UTP11: variants seen among roughly 807,000 people sequenced by gnomAD.
UTP11 encodes UTP11 small subunit processome component.
Under a neutral mutation model 39.0 loss-of-function variants are expected in UTP11, and 29 were observed. That is an observed-to-expected ratio of 0.74 (90% CI 0.55 to 1.01). The LOEUF (loss-of-function observed/expected upper bound fraction) is 1.01, where lower values mean the gene tolerates loss of function less well. Ranked by LOEUF, UTP11 falls within the 50% of genes least tolerant of loss-of-function variation. UTP11 has a pLI of 0.00. For synonymous variants in UTP11, 111 were observed against 105.0 expected (o/e 1.06, Z -0.35); for missense variants, 281 against 306.0 (o/e 0.92, Z 0.61).
chr1:38,018,940 G>A, intron 4 of UTP11, 119 bp from the exon 5 acceptor site: 1 of 883,180 alleles, frequency 1.1e-6, no homozygotes, highest in Non-Finnish European at 1.7e-6. Flanking sequence ...AAAGAATAAA[G>A]CAAGTTCTTT....
chr1:38,022,037 C>T (rs1646740584), intron 6 of UTP11, among the ~76,000 whole-genome samples: 1 of 152,144 alleles, frequency 6.6e-6, no homozygotes, highest in Admixed American at 6.5e-5. Flanking sequence ...TGAAAAAATT[C>T]TTCTGCTTTC....
intron 1 of UTP11, 120 bp downstream of exon 1, chr1:38,012,985 G>T: frequency 8.3e-7 from 1 of 1,198,060 alleles, no homozygotes; most frequent in South Asian, 1.3e-5. Context: ...GCACGTAAAT[G>T]TATGTTAATG....
In UTP11 at chr1:38,012,985, G is replaced by A. The variant is rs193033911; in HGVS notation, c.63+120G>A. 55 of 1,198,062 alleles carry A rather than the reference G, an allele frequency of 4.6e-5. 1 individual carries two copies. The East Asian group carries it at 9.6e-4, about 21-fold the overall frequency. The allele number at this position is 1,198,062 out of a possible 1,614,324, so 74.2% of individuals were successfully genotyped here. ...GTATAGTATATAAATGCACGTAAAT[G>A]TATGTTAATGACGCTGGCGTGGCTG... On this transcript the variant is annotated intron_variant, in intron 1 of 7. Transcript: ENST00000373014.
rs1646707167 is a variant in UTP11, at chr1:38,016,375, A to G, written c.80A>G (p.His27Arg). ...GTCTTCTAGCCTGGCTTTCGAAAACATCTGGGCCTGCTGGAGAAAAAGAAA... is the reference window on the plus strand; with the variant it reads ...GTCTTCTAGCCTGGCTTTCGAAAACGTCTGGGCCTGCTGGAGAAAAAGAAA... ...RERSQPGFRKHLGLLEKKKDY... is the reference protein window; with the variant it reads ...RERSQPGFRKRLGLLEKKKDY... The change falls in exon 2 of 8, where the codon CAT becomes CGT. Residue 27 changes from histidine to arginine, a missense_variant. Physicochemically the swap from His to Arg is conservative, Grantham distance 29. Coordinates refer to ENST00000373014, the MANE Select transcript of UTP11 (RefSeq NM_016037.4). 1 of 1,614,246 alleles carries G rather than the reference A, an allele frequency of 6.2e-7. No individual in the cohort carries two copies. The highest frequency in any genetic ancestry group is 2.2e-5 in the East Asian group (1 of 44,890).
intron 4 of UTP11, among the ~76,000 whole-genome samples, chr1:38,018,782 C>A (rs1237894390): frequency 6.6e-6 from 1 of 152,158 alleles, no homozygotes; most frequent in Non-Finnish European, 1.5e-5. Context: ...CTGGCACTGC[C>A]ATAAATTACT....
At chr1:38,015,910 G>A (rs182986912) in intron 1 of UTP11, among the ~76,000 whole-genome samples, 1 of 152,350 alleles carries the variant, frequency 6.6e-6, no homozygotes, top group Non-Finnish European at 1.5e-5. Flanking sequence ...TAAGTGACAT[G>A]CCCAAGGTCA....
chr1:38,022,673 T>C, intron 6 of UTP11, 26 bp from the exon 7 acceptor site: 1 of 1,526,874 alleles, frequency 6.5e-7, no homozygotes, highest in Non-Finnish European at 9.1e-7. Context: ...CATTGTTCAC[T>C]GAGAATGTGT....
chr1:38,022,758 G>A lies in UTP11; in HGVS notation c.627G>A (p.Glu209=). ...YNCLTQRIER[E]KKLFVIAQKI... ...GCCTGACACAGCGGATTGAACGAGAGAAGAAATTGTTCGTTATTGCTCAGA... is the reference window on the plus strand; with the variant it reads ...GCCTGACACAGCGGATTGAACGAGAAAAGAAATTGTTCGTTATTGCTCAGA... Residue 209 remains glutamate, a synonymous_variant, in exon 7 of 8, where the codon GAG becomes GAA. Coordinates refer to ENST00000373014, the MANE Select transcript of UTP11 (RefSeq NM_016037.4). 2.5e-6 allele frequency: 4 copies of A among 1,613,920 alleles called. No individual in the cohort carries two copies. The highest frequency in any genetic ancestry group is 3.4e-6 in the Non-Finnish European group (4 of 1,179,938).
In UTP11 at chr1:38,019,108, A is replaced by G; in HGVS notation, c.392A>G (p.Lys131Arg). The change falls in exon 5 of 8, where the codon AAG (lysine) becomes AGG (arginine). Residue 131 changes from lysine (K) to arginine (R), a missense_variant. Lys to Arg is a conservative substitution (Grantham distance 26, BLOSUM62 2). Coordinates refer to ENST00000373014, the MANE Select transcript of UTP11 (RefSeq NM_016037.4). ...CTCCATCTGCTGGATTTCCAGGGGA[A>G]GCAACAGAACAAGCATGTGTTCTTT... ...SELHLLDFQG[K>R]QQNKHVFFFD... The G allele has an allele frequency of 6.2e-7, 1 of 1,614,150 alleles. No individual in the cohort carries two copies. The highest frequency in any genetic ancestry group is 2.2e-5 in the East Asian group (1 of 44,886).
chr1:38,022,028 G>GA (rs1053139688), intron 6 of UTP11, among the ~76,000 whole-genome samples: 4 of 152,154 alleles, frequency 2.6e-5, no homozygotes, highest in Non-Finnish European at 5.9e-5. Flanking sequence ...AGCTTCTGCT[G>GA]AAAAAATTCT....
intron 1 of UTP11, among the ~76,000 whole-genome samples, chr1:38,013,163 C>T (rs1345828791): frequency 6.6e-6 from 1 of 152,180 alleles, no homozygotes; most frequent in Non-Finnish European, 1.5e-5. Flanking sequence ...CTGGTCTCTT[C>T]TGAGGAGTTG....
At chr1:38,018,104 T>C (rs551347130) in intron 3 of UTP11, among the ~76,000 whole-genome samples, 1 of 152,148 alleles carries the variant, frequency 6.6e-6, no homozygotes, top group South Asian at 2.1e-4. Context: ...GGACTCACTC[T>C]CTGTTGCCCA....
rs1228176857 is a variant in UTP11, at chr1:38,019,323, C to T, written c.507C>T (p.Pro169=). The change falls in exon 6 of 8, where the codon CCC becomes CCT. Residue 169 remains proline (P), a synonymous_variant. Transcript: ENST00000373014. ...PELVDRVFNR[P]RIETLQKEKV... Reference sequence around the variant, plus strand: ...TAGTCGACAGAGTCTTTAATAGGCCCAGGATAGAGACCTTGCAGAAAGAAA... The same window carrying T: ...TAGTCGACAGAGTCTTTAATAGGCCTAGGATAGAGACCTTGCAGAAAGAAA... 1 of 1,613,980 alleles carries T rather than the reference C, an allele frequency of 6.2e-7. No individual in the cohort carries two copies. Among genetic ancestry groups the T allele is most frequent in the East Asian group, 2.2e-5 (1 of 44,876 alleles).
chr1:38,012,798 C>T lies in UTP11; in HGVS notation c.-5C>T, dbSNP rs774467892. Reference sequence around the variant, plus strand: ...TCCACTGATCTTTTCCAAGGCTGTACAGACATGGCGGCGGCTTTTCGGAAG... The same window carrying T: ...TCCACTGATCTTTTCCAAGGCTGTATAGACATGGCGGCGGCTTTTCGGAAG... On this transcript the variant is annotated 5_prime_UTR_variant, in exon 1 of 8. Coordinates refer to ENST00000373014, the MANE Select transcript of UTP11 (RefSeq NM_016037.4). 3.1e-6 allele frequency: 5 copies of T among 1,614,100 alleles called. No homozygotes were observed. Among genetic ancestry groups the T allele is most frequent in the Middle Eastern group, 1.6e-4 (1 of 6,084 alleles).
chr1:38,018,967 G>T (rs1300362664), intron 4 of UTP11, 92 bp from the exon 5 acceptor site: 4 of 1,055,370 alleles, frequency 3.8e-6, no homozygotes, highest in Non-Finnish European at 5.5e-6. Flanking sequence ...TGGCAATAAT[G>T]ATGTGAAATG....
rs74664640 is a variant in UTP11, at chr1:38,022,613, G to T, written c.568-86G>T. The T allele has an allele frequency of 1.7e-3, 1,468 of 874,458 alleles. 33 individuals are homozygous for T. The East Asian group carries it at 0.036, about 22-fold the overall frequency. 54.2% of individuals were successfully genotyped at this position (874,458 alleles called of 1,614,324 possible). A position where few individuals can be genotyped will look rare whatever the true frequency, so the allele number is the denominator to read the frequency against. Reference sequence around the variant, plus strand: ...AGAAGGGAGTTGATGAAACTATGCAGTTGGCTTAAATGGATTAAGAAACAG... The same window carrying T: ...AGAAGGGAGTTGATGAAACTATGCATTTGGCTTAAATGGATTAAGAAACAG... On this transcript the variant is annotated intron_variant, in intron 6 of 7. Transcript: ENST00000373014.
At chr1:38,021,451 A>T (rs2148739127) in intron 6 of UTP11, among the ~76,000 whole-genome samples, 1 of 152,292 alleles carries the variant, frequency 6.6e-6, no homozygotes, top group Non-Finnish European at 1.5e-5. Context: ...GATTGCAAGG[A>T]TATTTTGTCT....
At chr1:38,019,429 G>T in intron 6 of UTP11, 46 bp downstream of exon 6, 1 of 1,423,968 alleles carries the variant, frequency 7.0e-7, no homozygotes, top group Non-Finnish European at 9.2e-7. Context: ...GGGGAATCTA[G>T]GTGTTTTTTT....
At chr1:38,016,272 A>G in intron 1 of UTP11, 87 bp from the exon 2 acceptor site, 1 of 1,351,836 alleles carries the variant, frequency 7.4e-7, no homozygotes, top group South Asian at 1.2e-5. Flanking sequence ...CACTCCAGAG[A>G]CTCCTGTGCC....
Sources: allele counts gnomAD v4.1 joint callset (sites outside exome capture counted in the v4.1 genomes callset), GRCh38; gene constraint gnomAD v4.1.1; transcripts MANE v1.5; gene names NCBI Gene and HGNC (gene_info 2026-07-23, HGNC 2026-07-21).